RPS15A: variants seen among roughly 807,000 people sequenced by gnomAD.
RPS15A encodes the protein small ribosomal subunit protein uS8.
For synonymous variants in RPS15A, 55 were observed against 58.5 expected (o/e 0.94, Z 0.27); for missense variants, 62 against 163.4 (o/e 0.38, Z 3.38).
intron 3 of RPS15A, chr16:18,785,185 A>T (rs1904027952): frequency 5.7e-6 from 1 of 174,902 alleles, no homozygotes; most frequent in Non-Finnish European, 1.2e-5. Flanking sequence ...TTCTTACATA[A>T]TAAGGCTGAA....
At chr16:18,785,086 C>CT (rs1353076531) in intron 3 of RPS15A, 1 of 365,568 alleles carries the variant, frequency 2.7e-6, no homozygotes, top group Non-Finnish European at 4.9e-6. Context: ...CACTGGCGTG[C>CT]TCCCTGTTGG....
chr16:18,790,198 C>T (rs776250038), intron 1 of RPS15A, 46 bp downstream of exon 1: 3 of 152,504 alleles, frequency 2.0e-5, no homozygotes, highest in Admixed American at 6.5e-5. Context: ...CCAGGATCCT[C>T]GGCCAAGGTG....
chr16:18,787,220 C>G (rs879482967), intron 3 of RPS15A, among the ~76,000 whole-genome samples: 4 of 152,184 alleles, frequency 2.6e-5, no homozygotes, highest in Non-Finnish European at 4.4e-5. Flanking sequence ...CTCTTTCCCC[C>G]CTATCTGTTG....
chr16:18,784,880 T>C, intron 3 of RPS15A, 57 bp from the exon 4 acceptor site: 1 of 1,355,606 alleles, frequency 7.4e-7, no homozygotes, highest in South Asian at 1.2e-5. Flanking sequence ...ACAGAAAAAC[T>C]GAGTAACACA....
intron 4 of RPS15A, chr16:18,784,014 G>A (rs1904007007): frequency 4.8e-6 from 1 of 208,544 alleles, no homozygotes; most frequent in Non-Finnish European, 1.0e-5. Flanking sequence ...ACATGAAAGT[G>A]GACACGACCC....
intron 1 of RPS15A, among the ~76,000 whole-genome samples, chr16:18,789,421 A>C (rs555179191): frequency 1.7e-4 from 26 of 152,372 alleles, no homozygotes; most frequent in African/African-American, 6.0e-4. Flanking sequence ...GACAAAATCC[A>C]CTTGACACAA....
At chr16:18,786,484 A>G (rs1904052727) in intron 3 of RPS15A, 1 of 154,374 alleles carries the variant, frequency 6.5e-6, no homozygotes, top group African/African-American at 2.4e-5. Context: ...GCTCTGTTCA[A>G]ATTTATTTCT....
At position 18,789,127 on chromosome 16, in the gene RPS15A, G is replaced by A; in HGVS notation, c.-5-9C>T. 1 of 1,606,490 alleles carries A rather than the reference G, an allele frequency of 6.2e-7. No homozygotes were observed. Among genetic ancestry groups the A allele is most frequent in the South Asian group, 1.1e-5 (1 of 90,108 alleles). Reference sequence around the variant, plus strand: ...CATGCGCACCATTGTGGCTGTTCAAGGAAGACAAAACAGGAGGTTTTACTG... The same window carrying A: ...CATGCGCACCATTGTGGCTGTTCAAAGAAGACAAAACAGGAGGTTTTACTG... On this transcript the variant is annotated splice_polypyrimidine_tract_variant and intron_variant, in intron 1 of 4. Coordinates refer to ENST00000322989, the MANE Select transcript of RPS15A (RefSeq NM_001019.5).
At chr16:18,783,612 G>A (rs536450915) in intron 4 of RPS15A, 7 of 454,786 alleles carry the variant, frequency 1.5e-5, no homozygotes, top group Non-Finnish European at 3.1e-5. Context: ...TAATTACAAA[G>A]AGAAATGATT....
intron 3 of RPS15A, chr16:18,785,043 G>A (rs977049697): frequency 8.5e-5 from 42 of 496,086 alleles, no homozygotes; most frequent in Non-Finnish European, 1.3e-4. Context: ...CATGCAAAGA[G>A]ATGGAACAAG....
intron 2 of RPS15A, chr16:18,788,701 C>T: frequency 3.0e-6 from 1 of 332,064 alleles, no homozygotes; most frequent in Non-Finnish European, 5.6e-6. Flanking sequence ...GGGGTTTTGC[C>T]ATGTTGGCCA....
rs769571942 is a variant in RPS15A, at chr16:18,783,119, GA to G, written c.300-18del. ...ACAATGAAACTATGGAGTGGAAAAA[GA>G]AAGTGCTGGTAAGTTTAATAGTTCA... On this transcript the variant is annotated intron_variant, in intron 4 of 4. Coordinates refer to ENST00000322989, the MANE Select transcript of RPS15A (RefSeq NM_001019.5). 3 of 1,537,636 alleles carry G rather than the reference GA, an allele frequency of 2.0e-6. No homozygotes were observed. The highest frequency in any genetic ancestry group is 1.8e-6 in the Non-Finnish European group (2 of 1,114,098).
At chr16:18,784,549 CCTGT>C (rs1356672803) in intron 4 of RPS15A, 185 bp downstream of exon 4, 1 of 541,744 alleles carries the variant, frequency 1.8e-6, no homozygotes, top group Admixed American at 3.8e-5. Flanking sequence ...CCTGGCCAAC[CCTGT>C]CTCTTTTTAA....
intron 3 of RPS15A, chr16:18,785,033 C>T (rs967733193): frequency 4.0e-6 from 2 of 505,304 alleles, no homozygotes; most frequent in Non-Finnish European, 6.9e-6. Context: ...AAAGCAAAGG[C>T]ATGCAAAGAG....
chr16:18,788,242 G>C (rs942939193), intron 2 of RPS15A, 100 bp from the exon 3 acceptor site: 2 of 753,856 alleles, frequency 2.7e-6, no homozygotes, highest in East Asian at 2.5e-5. Flanking sequence ...CATCACCTCA[G>C]TGACTGCTTC....
rs1319187287 is a variant in RPS15A at position 18,783,528 on chromosome 16, G to A, written c.300-426C>T. 11 of 383,162 alleles carry A rather than the reference G, an allele frequency of 2.9e-5. No homozygotes were observed. The Admixed American group carries it at 3.5e-4, about 12-fold the overall frequency. 23.7% of individuals were successfully genotyped at this position (383,162 alleles called of 1,614,324 possible). On this transcript the variant is annotated intron_variant, in intron 4 of 4. Coordinates refer to ENST00000322989, the MANE Select transcript of RPS15A (RefSeq NM_001019.5). Reference sequence around the variant, plus strand: ...ACGTTCATTTGTACAATGAGTGGCTGCTTCATGAGTTACTGTGGGGATCAC... The same window carrying A: ...ACGTTCATTTGTACAATGAGTGGCTACTTCATGAGTTACTGTGGGGATCAC...
rs1051408011 is a variant in RPS15A at position 18,782,422 on chromosome 16, T to A, written c.*587A>T. On this transcript the variant is annotated 3_prime_UTR_variant, in exon 5 of 5. Coordinates refer to ENST00000322989, the MANE Select transcript of RPS15A (RefSeq NM_001019.5). ...GCAAAACAAATTCATCAAAAACTAA[T>A]AGAAAATACTGAAATATAGGCCAGG... 3.1e-4 allele frequency: 47 copies of A among 149,758 alleles called. No individual in the cohort carries two copies. The highest frequency in any genetic ancestry group is 1.2e-3 in the African/African-American group (47 of 40,572). The allele number at this position is 149,758 out of a possible 1,614,324, so 9.3% of individuals were successfully genotyped here.
chr16:18,784,944 T>G (rs1012493484), intron 3 of RPS15A, 121 bp from the exon 4 acceptor site: 1 of 723,192 alleles, frequency 1.4e-6, no homozygotes, highest in Non-Finnish European at 2.3e-6. Context: ...AGCATTCAGA[T>G]GGGTACTTAT....
chr16:18,790,205 G>C (rs2030005377), intron 1 of RPS15A, 39 bp downstream of exon 1: 1 of 152,622 alleles, frequency 6.6e-6, no homozygotes, highest in Admixed American at 6.5e-5. Context: ...CCTCGGCCAA[G>C]GTGGGGACCA....
Sources: allele counts gnomAD v4.1 joint callset (sites outside exome capture counted in the v4.1 genomes callset), GRCh38; gene constraint gnomAD v4.1.1; transcripts MANE v1.5; gene names NCBI Gene and HGNC (gene_info 2026-07-23, HGNC 2026-07-21).